Variants in ANO3 observed in about 807,000 individuals in gnomAD.
The protein encoded by ANO3 is anoctamin 3, also known as anoctamin-3.
A neutral mutation model predicts 144.8 loss-of-function variants in ANO3; 99 were observed. That is an observed-to-expected ratio of 0.68 (90% CI 0.58 to 0.81). The LOEUF (loss-of-function observed/expected upper bound fraction) is 0.81, where lower values mean the gene tolerates loss of function less well. ANO3 is among the 30% of genes least tolerant of loss of function. The probability of loss-of-function intolerance (pLI) is 0.00; values close to 1 mark genes in which losing one functional copy is unlikely to be tolerated. For synonymous variants in ANO3, 414 were observed against 392.6 expected (o/e 1.05, Z -0.64); for missense variants, 905 against 1,202.2 (o/e 0.75, Z 3.66).
At chr11:26,580,901 TTG>T (rs1466861297) in intron 14 of ANO3, among the ~76,000 whole-genome samples, 1 of 152,190 alleles carries the variant, frequency 6.6e-6, no homozygotes, top group African/African-American at 2.4e-5. Flanking sequence ...TCACAGGCCT[TTG>T]AACTGCTGAT....
Position 26,553,337 on chromosome 11 carries a change from T to A in ANO3, c.1378T>A (p.Tyr460Asn). The change falls in exon 13 of 27, where the codon TAT (tyrosine) becomes AAT (asparagine). Residue 460 changes from tyrosine to asparagine, a missense_variant. By Grantham distance (143) the Tyr-to-Asn change is moderately radical. Around this residue, in one of 4 missense-constraint regions of ANO3, gnomAD observed 597 missense variants for 865.1 expected, o/e 0.69. Transcript: ENST00000256737. ...SLQRLNDSCI[Y>N]AKVTYLFDNG... ...GCAGAGACTCAACGACAGCTGTATC[T>A]ATGCCAAGGTGAGTGTGGACCCTCA... The A allele has an allele frequency of 6.2e-7, 1 of 1,609,056 alleles. No individual in the cohort carries two copies. The highest frequency in any genetic ancestry group is 8.5e-7 in the Non-Finnish European group (1 of 1,176,282).
chr11:26,381,985 T>C (rs1001048934), intron 1 of ANO3, among the ~76,000 whole-genome samples: 2 of 152,202 alleles, frequency 1.3e-5, no homozygotes, highest in Non-Finnish European at 2.9e-5. Context: ...ATTTTGAATA[T>C]AGGATTATTC....
At chr11:26,274,859 A>G (rs185886507) in intron 1 of ANO3, among the ~76,000 whole-genome samples, 9 of 152,156 alleles carry the variant, frequency 5.9e-5, no homozygotes, top group Non-Finnish European at 1.3e-4. Context: ...ATTTATCTGT[A>G]TGGATATGAA....
rs1377314969 is a variant in ANO3, at chr11:26,404,953, G to A, written c.47-36965G>A. 2.2e-4 allele frequency among the ~76,000 whole-genome samples: 32 copies of A among 147,132 alleles called. 1 individual carries two copies. The East Asian group carries it at 4.8e-3, about 22-fold the overall frequency. Reference sequence around the variant, plus strand: ...TATATATGTGTGTGTGTGTGTGTGTGTGTGTGTGTGTGTGTGTGTGTGTGT... The same window carrying A: ...TATATATGTGTGTGTGTGTGTGTGTATGTGTGTGTGTGTGTGTGTGTGTGT... On this transcript the variant is annotated intron_variant, in intron 1 of 26. Transcript: ENST00000256737.
chr11:26,272,956 C>A (rs537320289), intron 1 of ANO3, among the ~76,000 whole-genome samples: 188 of 152,182 alleles, frequency 1.2e-3, no homozygotes, highest in African/African-American at 3.2e-3. Context: ...GCTGCTAGCT[C>A]CTTCTAATTC....
At chr11:26,430,792 T>A (rs1201665308) in intron 1 of ANO3, among the ~76,000 whole-genome samples, 1 of 152,106 alleles carries the variant, frequency 6.6e-6, no homozygotes, top group Non-Finnish European at 1.5e-5. Context: ...TCTATGCAAA[T>A]CAATTTGAAA....
chr11:26,211,547 A>G (rs947433640), intron 1 of ANO3, among the ~76,000 whole-genome samples: 2 of 152,218 alleles, frequency 1.3e-5, no homozygotes, highest in African/African-American at 4.8e-5. Context: ...CAATCATTAA[A>G]ACATCAGAAA....
chr11:26,350,172 A>G (rs1414869118), intron 1 of ANO3, among the ~76,000 whole-genome samples: 1 of 152,104 alleles, frequency 6.6e-6, no homozygotes, highest in Non-Finnish European at 1.5e-5. Flanking sequence ...CCAGGAACTC[A>G]ATTTCCGAAT....
At chr11:26,288,401 GTTGTT>G (rs964015029) in intron 1 of ANO3, among the ~76,000 whole-genome samples, 5 of 152,154 alleles carry the variant, frequency 3.3e-5, no homozygotes, top group African/African-American at 1.2e-4. Flanking sequence ...CCTTGTTGTT[GTTGTT>G]TTAAGTTCTA....
chr11:26,480,661 A>T (rs1288666292), intron 4 of ANO3, among the ~76,000 whole-genome samples: 2 of 152,034 alleles, frequency 1.3e-5, no homozygotes, highest in East Asian at 1.9e-4. Flanking sequence ...TATAAAAATT[A>T]GCCAGGCGTG....
chr11:26,224,166 C>T (rs1382088411), intron 1 of ANO3, among the ~76,000 whole-genome samples: 2 of 135,304 alleles, frequency 1.5e-5, no homozygotes, highest in Non-Finnish European at 3.4e-5. Context: ...CACCATTGCT[C>T]CTCTCGGTAA....
intron 1 of ANO3, among the ~76,000 whole-genome samples, chr11:26,290,018 C>G (rs972277622): frequency 4.6e-5 from 7 of 151,976 alleles, no homozygotes; most frequent in African/African-American, 1.7e-4. Context: ...TGGTAGAATT[C>G]AGCTGCGAAT....
intron 13 of ANO3, 55 bp from the exon 14 acceptor site, chr11:26,559,659 ATTCAC>A: frequency 8.3e-7 from 1 of 1,202,274 alleles, no homozygotes; most frequent in Non-Finnish European, 1.2e-6. Context: ...TGCAAACAGT[ATTCAC>A]TGGCTTATTA....
chr11:26,449,471 T>C (rs1225708918), intron 3 of ANO3, among the ~76,000 whole-genome samples: 1 of 41,538 alleles, frequency 2.4e-5, no homozygotes, highest in African/African-American at 9.9e-5. Context: ...TCTGTCTGTC[T>C]GTCTCTCTCT....
At chr11:26,323,191 T>C (rs952093892) in intron 1 of ANO3, among the ~76,000 whole-genome samples, 13 of 152,114 alleles carry the variant, frequency 8.5e-5, no homozygotes, top group African/African-American at 2.9e-4. Context: ...TGAAATCATC[T>C]ATTTATCCAA....
intron 1 of ANO3, among the ~76,000 whole-genome samples, chr11:26,219,662 G>A (rs1228445468): frequency 1.3e-5 from 2 of 152,114 alleles, no homozygotes; most frequent in African/African-American, 2.4e-5. Flanking sequence ...AACCACAAAC[G>A]TTCATAAGTC....
chr11:26,406,508 G>A (rs943775955), intron 1 of ANO3, among the ~76,000 whole-genome samples: 2 of 151,776 alleles, frequency 1.3e-5, no homozygotes, highest in Non-Finnish European at 2.9e-5. Flanking sequence ...AAAGGTCCTT[G>A]GAAAACCAGT....
At chr11:26,545,678 A>G (rs573485715) in intron 11 of ANO3, among the ~76,000 whole-genome samples, 3 of 151,346 alleles carry the variant, frequency 2.0e-5, no homozygotes, top group African/African-American at 7.3e-5. Flanking sequence ...GCAGAATTAT[A>G]TCATTGAATG....
chr11:26,635,152 G>C lies in ANO3; in HGVS notation c.2043+82G>C, dbSNP rs59933252. 2.7e-4 allele frequency: 350 copies of C among 1,288,156 alleles called. No individual in the cohort carries two copies. The African/African-American group carries it at 4.8e-3, about 18-fold the overall frequency. The allele number at this position is 1,288,156 out of a possible 1,614,324, so 79.8% of individuals were successfully genotyped here. A position where few individuals can be genotyped will look rare whatever the true frequency, so the allele number is the denominator to read the frequency against. Reference sequence around the variant, plus strand: ...GCGGGAGGAAGGGAGCTGAAGAAAGGAGAAGTTCAGGGAACTTTATGGATA... The same window carrying C: ...GCGGGAGGAAGGGAGCTGAAGAAAGCAGAAGTTCAGGGAACTTTATGGATA... On this transcript the variant is annotated intron_variant, in intron 20 of 26. Coordinates refer to ENST00000256737, the MANE Select transcript of ANO3 (RefSeq NM_031418.4).
Sources: allele counts gnomAD v4.1 joint callset (sites outside exome capture counted in the v4.1 genomes callset), GRCh38; gene constraint gnomAD v4.1.1; regional missense constraint gnomAD v4.1.1; transcripts MANE v1.5; gene names NCBI Gene and HGNC (gene_info 2026-07-23, HGNC 2026-07-21).